Variants in IL15 observed in about 807,000 individuals in gnomAD.
IL15 encodes interleukin-15.
A neutral mutation model predicts 19.6 loss-of-function variants in IL15; 11 were observed. The observed-to-expected ratio is 0.56, with a 90% CI of 0.35 to 0.93. IL15 has a LOEUF of 0.93. Ranked by LOEUF, IL15 falls within the 40% of genes least tolerant of loss-of-function variation. IL15 has a pLI of 0.01. For missense variants in IL15, 197 were observed against 186.5 expected (o/e 1.06, Z -0.33); for synonymous variants, 58 against 59.6 (o/e 0.97, Z 0.12).
At chr4:141,712,462 G>A in intron 2 of IL15, among the ~76,000 whole-genome samples, 1 of 151,992 alleles carries the variant, frequency 6.6e-6, no homozygotes, top group Non-Finnish European at 1.5e-5. Flanking sequence ...CATGAACATA[G>A]TGCTACAGAA....
intron 3 of IL15, 40 bp downstream of exon 3, chr4:141,719,516 C>T (rs763447902): frequency 2.2e-6 from 3 of 1,337,480 alleles, no homozygotes; most frequent in Non-Finnish European, 2.1e-6. Flanking sequence ...ATGGAATTTC[C>T]CTTAAAGGTC....
intron 2 of IL15, among the ~76,000 whole-genome samples, chr4:141,670,709 C>T (rs1301229075): frequency 2.0e-5 from 3 of 152,120 alleles, no homozygotes; most frequent in African/African-American, 7.2e-5. Context: ...CTTTTGAAAT[C>T]TATAGAGTAT....
intron 4 of IL15, chr4:141,720,863 C>T (rs1455847149): frequency 7.5e-6 from 4 of 532,742 alleles, no homozygotes; most frequent in African/African-American, 5.8e-5. Context: ...ACATATTTTT[C>T]ATGGCAATTA....
chr4:141,721,056 T>C, intron 4 of IL15: 1 of 1,005,586 alleles, frequency 9.9e-7, no homozygotes, highest in East Asian at 2.6e-5. Flanking sequence ...TCTTCTCTCT[T>C]AGATGCAGCT....
intron 6 of IL15, among the ~76,000 whole-genome samples, chr4:141,729,324 C>T (rs1050390796): frequency 2.0e-5 from 3 of 152,026 alleles, no homozygotes; most frequent in Admixed American, 1.3e-4. Context: ...CTAAGAGAGC[C>T]TTTTCTGATT....
chr4:141,662,122 C>T (rs1727811432), intron 2 of IL15, among the ~76,000 whole-genome samples: 1 of 152,184 alleles, frequency 6.6e-6, no homozygotes, highest in Non-Finnish European at 1.5e-5. Flanking sequence ...TTAGGCCCAA[C>T]ATATGGTTAA....
intron 2 of IL15, among the ~76,000 whole-genome samples, chr4:141,673,007 C>G (rs181206483): frequency 1.1e-3 from 167 of 152,308 alleles, no homozygotes; most frequent in Non-Finnish European, 4.4e-4. Flanking sequence ...TATCATGTAG[C>G]TGCTGTGAGC....
chr4:141,650,037 A>G (rs1442519276), intron 1 of IL15, among the ~76,000 whole-genome samples: 3 of 152,096 alleles, frequency 2.0e-5, no homozygotes, highest in Non-Finnish European at 4.4e-5. Context: ...AATAATCACC[A>G]TTCATTTGTA....
intron 2 of IL15, among the ~76,000 whole-genome samples, chr4:141,676,518 T>G (rs1728350497): frequency 6.6e-6 from 1 of 152,186 alleles, no homozygotes. Flanking sequence ...CATAAGGACT[T>G]TAAACTCATT....
At chr4:141,713,304 A>G (rs766868735) in intron 2 of IL15, among the ~76,000 whole-genome samples, 4 of 152,184 alleles carry the variant, frequency 2.6e-5, no homozygotes, top group Non-Finnish European at 5.9e-5. Flanking sequence ...AAGCTGGCAA[A>G]CCAACTGTTT....
At chr4:141,639,895 A>G (rs1191361402) in intron 1 of IL15, among the ~76,000 whole-genome samples, 11 of 152,208 alleles carry the variant, frequency 7.2e-5, no homozygotes, top group Admixed American at 5.9e-4. Context: ...GAGTACTGGA[A>G]TGCACTAACA....
At chr4:141,728,646 T>C (rs1391706349) in intron 6 of IL15, among the ~76,000 whole-genome samples, 1 of 152,108 alleles carries the variant, frequency 6.6e-6, no homozygotes, top group African/African-American at 2.4e-5. Context: ...ACAAACTCTA[T>C]GTCCTCTCTC....
Position 141,733,783 on chromosome 4 carries a change from G to C in IL15, c.*935G>C, listed in dbSNP as rs1332242798. ...CATATTTCATGCTTTCCCAAATACA[G>C]GTATTTTATTTTCACATTCTTTTTG... On this transcript the variant is annotated 3_prime_UTR_variant, in exon 8 of 8. Transcript: ENST00000320650. The C allele has an allele frequency of 6.6e-6, 1 of 152,004 alleles. No homozygotes were observed. The highest frequency in any genetic ancestry group is 1.5e-5 in the Non-Finnish European group (1 of 67,988). 9.4% of individuals were successfully genotyped at this position (152,004 alleles called of 1,614,324 possible). A position where few individuals can be genotyped will look rare whatever the true frequency, so the allele number is the denominator to read the frequency against.
chr4:141,693,412 C>A (rs1281471511), intron 2 of IL15, among the ~76,000 whole-genome samples: 1 of 152,178 alleles, frequency 6.6e-6, no homozygotes, highest in Admixed American at 6.5e-5. Context: ...TCCTAAAGGA[C>A]AGGAACCATG....
rs779898572 is a variant in IL15 at position 141,727,975 on chromosome 4, T to G, written c.231T>G (p.Ser77Arg). ...MHIDATLYTE[S>R]DVHPSCKVTA... ...TTGATGCTACTTTATATACGGAAAG[T>G]GATGTTCACGTGAGTATACTTTTTT... Residue 77 changes from serine to arginine, a missense_variant, in exon 6 of 8, where the codon AGT becomes AGG. Coordinates refer to ENST00000320650, the MANE Select transcript of IL15 (RefSeq NM_000585.5). 4 of 1,357,690 alleles carry G rather than the reference T, an allele frequency of 2.9e-6. No homozygotes were observed. The African/African-American group carries it at 5.8e-5, about 20-fold the overall frequency. 84.1% of individuals were successfully genotyped at this position (1,357,690 alleles called of 1,614,324 possible). A position where few individuals can be genotyped will look rare whatever the true frequency, so the allele number is the denominator to read the frequency against.
chr4:141,672,246 T>A (rs1728199388), intron 2 of IL15, among the ~76,000 whole-genome samples: 1 of 152,236 alleles, frequency 6.6e-6, no homozygotes, highest in Non-Finnish European at 1.5e-5. Context: ...ATTATTACAC[T>A]GTCTTCATTT....
chr4:141,687,329 G>C (rs1728742947), intron 2 of IL15, among the ~76,000 whole-genome samples: 1 of 152,188 alleles, frequency 6.6e-6, no homozygotes, highest in African/African-American at 2.4e-5. Flanking sequence ...TAGGGTCACA[G>C]GTAAGGTCCA....
At chr4:141,692,949 A>G (rs913575364) in intron 2 of IL15, among the ~76,000 whole-genome samples, 1 of 144,992 alleles carries the variant, frequency 6.9e-6, no homozygotes, top group Non-Finnish European at 1.5e-5. Context: ...TCACACTTCT[A>G]CAAAGGTACT....
chr4:141,654,937 G>A (rs112111561), intron 1 of IL15, among the ~76,000 whole-genome samples: 3 of 152,300 alleles, frequency 2.0e-5, no homozygotes, highest in African/African-American at 7.2e-5. Context: ...GGCATAGGGT[G>A]TAAAAGAGAG....
Sources: gnomAD v4.1 joint callset for allele counts (sites outside exome capture counted in the v4.1 genomes callset) on GRCh38, gnomAD v4.1.1 for gene constraint, MANE v1.5 for transcripts, NCBI Gene and HGNC (gene_info 2026-07-23, HGNC 2026-07-21) for gene names.